VGLL3: variants seen among roughly 807,000 people sequenced by gnomAD.
VGLL3 encodes the protein transcription cofactor vestigial-like protein 3.
Under a neutral mutation model 29.2 loss-of-function variants are expected in VGLL3, and 18 were observed. The observed-to-expected ratio is 0.62, with a 90% confidence interval of 0.43 to 0.91. The LOEUF (loss-of-function observed/expected upper bound fraction) is 0.91. Among genes scored for constraint, VGLL3 ranks in the 40% least tolerant of loss-of-function variants. The pLI is 0.00. For missense variants in VGLL3, 440 were observed against 413.2 expected (o/e 1.06, Z -0.56); for synonymous variants, 180 against 151.8 (o/e 1.19, Z -1.36).
intron 2 of VGLL3, among the ~76,000 whole-genome samples, chr3:86,970,348 A>G (rs577292394): frequency 2.6e-5 from 4 of 152,290 alleles, no homozygotes; most frequent in African/African-American, 9.6e-5. Context: ...TTCTCCCAAC[A>G]GGAAGCACAG....
intron 2 of VGLL3, among the ~76,000 whole-genome samples, chr3:86,972,565 G>C (rs1705125944): frequency 6.6e-6 from 1 of 152,162 alleles, no homozygotes; most frequent in Admixed American, 6.5e-5. Flanking sequence ...TATTTCATAT[G>C]TATGTAAATT....
rs146439704 is a variant in VGLL3, at chr3:86,989,214, A to T, written c.126+1404T>A. 3.2e-3 allele frequency among the ~76,000 whole-genome samples: 491 copies of T among 152,360 alleles called. 4 individuals carry two copies. Among genetic ancestry groups the T allele is most frequent in the African/African-American group, 0.011 (467 of 41,578 alleles). ...AAAGGAGGAAAGTATCTTTCTGAAC[A>T]TGTAGAGAAGTTTTAGTTTGTTGCT... On this transcript the variant is annotated intron_variant, in intron 1 of 3. Transcript: ENST00000398399.
At chr3:86,984,448 C>T (rs1705392794) in intron 1 of VGLL3, among the ~76,000 whole-genome samples, 1 of 152,216 alleles carries the variant, frequency 6.6e-6, no homozygotes, top group South Asian at 2.1e-4. Context: ...AGAAAAATTG[C>T]CAGTTTTGAT....
At position 86,944,482 on chromosome 3, in the gene VGLL3, C is replaced by T. The variant is rs895898303; in HGVS notation, c.*2542G>A. On this transcript the variant is annotated 3_prime_UTR_variant, in exon 4 of 4. Transcript: ENST00000398399. ...TAGGCTGATCTTGAACTCCTGGGCT[C>T]AAGCAATCCTCCCGAGCCTCTGCCT... 4.6e-5 allele frequency: 7 copies of T among 152,360 alleles called. No homozygotes were observed. The highest frequency in any genetic ancestry group is 1.7e-4 in the African/African-American group (7 of 41,454). The allele number at this position is 152,360 out of a possible 1,614,324, so 9.4% of individuals were successfully genotyped here. A position where few individuals can be genotyped will look rare whatever the true frequency, so the allele number is the denominator to read the frequency against.
intron 2 of VGLL3, among the ~76,000 whole-genome samples, chr3:86,976,413 T>C (rs989216514): frequency 6.6e-6 from 1 of 152,206 alleles, no homozygotes; most frequent in African/African-American, 2.4e-5. Context: ...CCCTAAAAGC[T>C]CCATGAGGGT....
chr3:86,978,664 C>T lies in VGLL3; in HGVS notation c.265G>A (p.Val89Ile), dbSNP rs1046714059. The T allele has an allele frequency of 3.7e-6, 6 of 1,614,024 alleles. No individual in the cohort carries two copies. The African/African-American group carries it at 4.0e-5, about 11-fold the overall frequency. ...TCTCCCTGGAAATAAGTGAAAAGGA[C>T]ACAGCGAGAGTTAAGGTACTCCATC... ...AEMEYLNSRC[V>I]LFTYFQGDIG... Residue 89 changes from valine to isoleucine, a missense_variant, in exon 2 of 4, where the codon GTC becomes ATC. Coordinates refer to ENST00000398399, the MANE Select transcript of VGLL3 (RefSeq NM_016206.4).
At chr3:86,984,105 T>C (rs1705386664) in intron 1 of VGLL3, among the ~76,000 whole-genome samples, 1 of 152,246 alleles carries the variant, frequency 6.6e-6, no homozygotes, top group Admixed American at 6.5e-5. Flanking sequence ...ATTAAAAAGT[T>C]AGAGATTAAA....
chr3:86,988,421 A>G (rs1181479651), intron 1 of VGLL3, among the ~76,000 whole-genome samples: 1 of 151,790 alleles, frequency 6.6e-6, no homozygotes, highest in Admixed American at 6.6e-5. Flanking sequence ...GGATGACTGC[A>G]TTAGGGCCAA....
intron 1 of VGLL3, among the ~76,000 whole-genome samples, chr3:86,985,352 G>A (rs1370943092): frequency 6.6e-6 from 1 of 152,146 alleles, no homozygotes; most frequent in Non-Finnish European, 1.5e-5. Context: ...GACTTTTAGA[G>A]TCCCCCTACT....
At chr3:86,972,501 T>G (rs1390556668) in intron 2 of VGLL3, among the ~76,000 whole-genome samples, 1 of 152,162 alleles carries the variant, frequency 6.6e-6, no homozygotes, top group Non-Finnish European at 1.5e-5. Flanking sequence ...AAAAAAGTCT[T>G]GATGCAAAGG....
chr3:86,972,219 T>G, intron 2 of VGLL3, among the ~76,000 whole-genome samples: 1 of 152,220 alleles, frequency 6.6e-6, no homozygotes, highest in East Asian at 1.9e-4. Context: ...GTGAAGACAT[T>G]ATTACTGAAA....
At chr3:86,948,884 G>T (rs1383205526) in intron 3 of VGLL3, among the ~76,000 whole-genome samples, 4 of 152,110 alleles carry the variant, frequency 2.6e-5, no homozygotes, top group African/African-American at 9.7e-5. Flanking sequence ...ATTTTCAAAT[G>T]GTTTTCTGGT....
chr3:86,985,134 A>G (rs1705410827), intron 1 of VGLL3, among the ~76,000 whole-genome samples: 1 of 152,198 alleles, frequency 6.6e-6, no homozygotes, highest in African/African-American at 2.4e-5. Flanking sequence ...ATCCAACTCT[A>G]TATCTTAATA....
chr3:86,987,660 A>C (rs1705478587), intron 1 of VGLL3, among the ~76,000 whole-genome samples: 1 of 152,190 alleles, frequency 6.6e-6, no homozygotes, highest in African/African-American at 2.4e-5. Flanking sequence ...TTGGCTCTAT[A>C]AACCCCACTG....
At chr3:86,975,082 A>ATAT (rs746407202) in intron 2 of VGLL3, among the ~76,000 whole-genome samples, 3 of 152,228 alleles carry the variant, frequency 2.0e-5, no homozygotes, top group Non-Finnish European at 4.4e-5. Context: ...CAATAAACAC[A>ATAT]TATTACAGTT....
chr3:86,966,098 C>T (rs545628889), intron 3 of VGLL3, among the ~76,000 whole-genome samples: 11 of 152,168 alleles, frequency 7.2e-5, no homozygotes, highest in African/African-American at 1.2e-4. Flanking sequence ...GGGCCAGCCT[C>T]GATGCATGAT....
chr3:86,940,353 G>C lies in VGLL3; in HGVS notation c.*6671C>G, dbSNP rs1704367940. 6.6e-6 allele frequency: 1 copy of C among 152,496 alleles called. No individual in the cohort carries two copies. Among genetic ancestry groups the C allele is most frequent in the Non-Finnish European group, 1.5e-5 (1 of 68,006 alleles). The allele number at this position is 152,496 out of a possible 1,614,324, so 9.4% of individuals were successfully genotyped here. On this transcript the variant is annotated 3_prime_UTR_variant, in exon 4 of 4. Transcript: ENST00000398399. ...CCTTGGTCAACCAATATCCTTAGAA[G>C]CATTGTATTATAAAATTCTCAAGAC...
chr3:86,984,948 T>C (rs1002019766), intron 1 of VGLL3, among the ~76,000 whole-genome samples: 2 of 152,212 alleles, frequency 1.3e-5, no homozygotes, highest in African/African-American at 4.8e-5. Context: ...CTAACTGTTT[T>C]CTTGTTTCTA....
chr3:86,982,328 T>C (rs1705342756), intron 1 of VGLL3, among the ~76,000 whole-genome samples: 1 of 152,086 alleles, frequency 6.6e-6, no homozygotes, highest in East Asian at 1.9e-4. Context: ...GTATTTTTCG[T>C]AGAGACGGGG....
Sources: allele counts gnomAD v4.1 joint callset (sites outside exome capture counted in the v4.1 genomes callset), GRCh38; gene constraint gnomAD v4.1.1; transcripts MANE v1.5; gene names NCBI Gene and HGNC (gene_info 2026-07-23, HGNC 2026-07-21).